Variants in PCDHGA11 observed in about 807,000 individuals in gnomAD.
The protein encoded by PCDHGA11 is protocadherin gamma subfamily A, 11.
PCDHGA11 carries 39 observed loss-of-function variants against 60.4 expected under a neutral mutation model. The ratio of observed to expected loss-of-function variants is 0.65; its 90% confidence interval spans 0.50 to 0.84. The LOEUF is 0.84. Ranked by LOEUF, PCDHGA11 falls within the 40% of genes least tolerant of loss-of-function variation. The pLI is 0.00. For synonymous variants in PCDHGA11, 533 were observed against 510.3 expected (o/e 1.04, Z -0.60); for missense variants, 1,165 against 1,197.7 (o/e 0.97, Z 0.40).
chr5:141,477,245 A>G lies in PCDHGA11; in HGVS notation c.2434-17562A>G. On this transcript the variant is annotated intron_variant, in intron 1 of 3. Transcript: ENST00000398587. The surrounding 1 kb of genome is among the most constrained non-coding windows in gnomAD (Gnocchi z 4.9). ...GACTGTCATCGCTTTGCTCAGTGTG[A>G]CTGACCTGGATGCTGGCGAGAACGG... 3.7e-6 allele frequency: 6 copies of G among 1,614,128 alleles called. No homozygotes were observed. The highest frequency in any genetic ancestry group is 5.1e-6 in the Non-Finnish European group (6 of 1,180,026).
chr5:141,478,271 A>G, intron 1 of PCDHGA11: 1 of 1,614,170 alleles, frequency 6.2e-7, no homozygotes, highest in Non-Finnish European at 8.5e-7. Flanking sequence ...CAAAGTTTAC[A>G]AGTGGAAGCA....
rs1362496624 is a variant in PCDHGA11, at chr5:141,432,370, C to T, written c.2433+8710C>T. On this transcript the variant is annotated intron_variant, in intron 1 of 3. Coordinates refer to ENST00000398587, the MANE Select transcript of PCDHGA11 (RefSeq NM_018914.3). This position sits in a 1 kb window ranked among gnomAD's most constrained non-coding sequence, Gnocchi z 6.0. ...AAGTGAAAGTGATGGCGCGGGACAA[C>T]GGGCACCCGCCCCTCAGCAGCAACG... The T allele has an allele frequency of 6.2e-7, 1 of 1,614,240 alleles. No individual in the cohort carries two copies. Among genetic ancestry groups the T allele is most frequent in the Non-Finnish European group, 8.5e-7 (1 of 1,180,048 alleles).
At chr5:141,448,808 G>C (rs2098608218) in intron 1 of PCDHGA11, among the ~76,000 whole-genome samples, 2 of 152,080 alleles carry the variant, frequency 1.3e-5, no homozygotes, top group Admixed American at 1.3e-4. Flanking sequence ...AGCCAGGCGT[G>C]ATGGCGGGCG....
chr5:141,494,782 C>T, intron 1 of PCDHGA11, 25 bp from the exon 2 acceptor site: 1 of 1,614,110 alleles, frequency 6.2e-7, no homozygotes. Context: ...GGTACTCAGC[C>T]CCTTTCCCTC....
Position 141,423,381 on chromosome 5 carries a change from G to T in PCDHGA11, c.2154G>T (p.Trp718Cys), listed in dbSNP as rs2154550114. Residue 718 changes from tryptophan (W) to cysteine (C), a missense_variant, in exon 1 of 4, where the codon TGG becomes TGT. Transcript: ENST00000398587. ...FVIVLLALRL[W>C]RWHKSRLLQA... is the part of the protein sequence containing the mutation. ...TCGTGCTGCTGGCACTCAGGCTGTG[G>T]CGCTGGCATAAGTCACGCCTGCTGC... 6.2e-7 allele frequency: 1 copy of T among 1,614,204 alleles called. No homozygotes were observed. The highest frequency in any genetic ancestry group is 2.2e-5 in the East Asian group (1 of 44,888).
rs138408376 is a variant in PCDHGA11 at position 141,421,859 on chromosome 5, T to C, written c.632T>C (p.Leu211Pro). The stretch of plus-strand genomic sequence containing the variant: ...CGAGAGAAAGAGGCTGCTCACCTGC[T>C]CCTCCTCACAGCTTTAGATGGAGGC... ...LDREKEAAHL[L>P]LLTALDGGDP... Residue 211 changes from leucine to proline, a missense_variant, in exon 1 of 4, where the codon CTC becomes CCC. By Grantham distance (98) the Leu-to-Pro change is moderately conservative. Coordinates refer to ENST00000398587, the MANE Select transcript of PCDHGA11 (RefSeq NM_018914.3). The C allele has an allele frequency of 1.7e-3, 2,741 of 1,613,710 alleles. 8 individuals carry two copies. Among genetic ancestry groups the C allele is most frequent in the Middle Eastern group, 8.1e-3 (49 of 6,062 alleles).
Position 141,477,383 on chromosome 5 carries a change from T to A in PCDHGA11, c.2434-17424T>A. 6.2e-7 allele frequency: 1 copy of A among 1,614,102 alleles called. No homozygotes were observed. Among genetic ancestry groups the A allele is most frequent in the Non-Finnish European group, 8.5e-7 (1 of 1,180,006 alleles). On this transcript the variant is annotated intron_variant, in intron 1 of 3. Transcript: ENST00000398587. This position sits in a 1 kb window ranked among gnomAD's most constrained non-coding sequence, Gnocchi z 4.9. Reference sequence around the variant, plus strand: ...CCTGGATCGGGAGACTGTGCCAGAATACAACCTCAGCATCACCGCCCGAGA... The same window carrying A: ...CCTGGATCGGGAGACTGTGCCAGAAAACAACCTCAGCATCACCGCCCGAGA...
chr5:141,438,386 T>C (rs757664430), intron 1 of PCDHGA11, among the ~76,000 whole-genome samples: 1 of 151,778 alleles, frequency 6.6e-6, no homozygotes, highest in Admixed American at 6.6e-5. Flanking sequence ...AATTTCTTAG[T>C]TCATCATTAA....
chr5:141,509,601 G>A (rs2099877534), intron 3 of PCDHGA11, among the ~76,000 whole-genome samples: 1 of 152,144 alleles, frequency 6.6e-6, no homozygotes, highest in Non-Finnish European at 1.5e-5. Flanking sequence ...ATTCCGAGAG[G>A]CTGCATTCTA....
rs771884610 is a variant in PCDHGA11, at chr5:141,491,436, G to T, written c.2434-3371G>T. 1 of 1,614,070 alleles carries T rather than the reference G, an allele frequency of 6.2e-7. No individual in the cohort carries two copies. ...ACGGGGGTGGAGGGCAGTGCTGCAGGCGCCAGGACTCACCCTCCCCGGACT... is the reference window on the plus strand; with the variant it reads ...ACGGGGGTGGAGGGCAGTGCTGCAGTCGCCAGGACTCACCCTCCCCGGACT... On this transcript the variant is annotated intron_variant, in intron 1 of 3. Coordinates refer to ENST00000398587, the MANE Select transcript of PCDHGA11 (RefSeq NM_018914.3). The surrounding 1 kb of genome is among the most constrained non-coding windows in gnomAD (Gnocchi z 6.9).
At chr5:141,470,078 G>C (rs542998375) in intron 1 of PCDHGA11, among the ~76,000 whole-genome samples, 21 of 152,182 alleles carry the variant, frequency 1.4e-4, no homozygotes, top group Non-Finnish European at 2.9e-4. Context: ...GTAGTGATCT[G>C]AGATCATGCC....
chr5:141,486,843 A>G lies in PCDHGA11; in HGVS notation c.2434-7964A>G, dbSNP rs1455684942. On this transcript the variant is annotated intron_variant, in intron 1 of 3. Coordinates refer to ENST00000398587, the MANE Select transcript of PCDHGA11 (RefSeq NM_018914.3). The surrounding 1 kb of genome is among the most constrained non-coding windows in gnomAD (Gnocchi z 5.0). ...GTAACAGTTCGTCTATTTGTGCTGG[A>G]CCTCAATGACAATGCTCCAGCTGTG... 6.2e-7 allele frequency: 1 copy of G among 1,614,214 alleles called. No homozygotes were observed. Among genetic ancestry groups the G allele is most frequent in the Admixed American group, 1.7e-5 (1 of 60,034 alleles).
intron 1 of PCDHGA11, among the ~76,000 whole-genome samples, chr5:141,435,227 G>T (rs1461159947): frequency 1.3e-5 from 2 of 152,030 alleles, no homozygotes; most frequent in African/African-American, 4.8e-5. Context: ...TTCTTTCAAA[G>T]TTCAGTAATT....
At position 141,486,891 on chromosome 5, in the gene PCDHGA11, G is replaced by C. The variant is rs201201426; in HGVS notation, c.2434-7916G>C. On this transcript the variant is annotated intron_variant, in intron 1 of 3. Transcript: ENST00000398587. This position sits in a 1 kb window ranked among gnomAD's most constrained non-coding sequence, Gnocchi z 5.0. ...GTGCTCCGTCCTCGGGCCCGGCCTGGTTCCTTATGTCCCCAAGCACTGCCT... is the reference window on the plus strand; with the variant it reads ...GTGCTCCGTCCTCGGGCCCGGCCTGCTTCCTTATGTCCCCAAGCACTGCCT... 14 of 1,614,118 alleles carry C rather than the reference G, an allele frequency of 8.7e-6. No homozygotes were observed. The highest frequency in any genetic ancestry group is 3.3e-5 in the Admixed American group (2 of 60,008).
intron 1 of PCDHGA11, among the ~76,000 whole-genome samples, chr5:141,494,496 T>A (rs147870810): frequency 2.9e-3 from 442 of 152,264 alleles, no homozygotes; most frequent in Non-Finnish European, 4.9e-3. Flanking sequence ...ATGCCTTCAG[T>A]CCTTGAATTT....
intron 1 of PCDHGA11, among the ~76,000 whole-genome samples, chr5:141,436,469 G>A (rs376024456): frequency 6.6e-6 from 1 of 152,304 alleles, no homozygotes; most frequent in East Asian, 1.9e-4. Flanking sequence ...ATTTTCAGAT[G>A]TATCATAGAA....
At chr5:141,459,885 C>A (rs1333668105) in intron 1 of PCDHGA11, among the ~76,000 whole-genome samples, 1 of 152,106 alleles carries the variant, frequency 6.6e-6, no homozygotes, top group East Asian at 1.9e-4. Flanking sequence ...CTGAGCTGAA[C>A]GCCTTCTTAA....
chr5:141,499,677 T>C (rs2099793326), intron 2 of PCDHGA11, among the ~76,000 whole-genome samples: 1 of 151,690 alleles, frequency 6.6e-6, no homozygotes, highest in African/African-American at 2.4e-5. Flanking sequence ...CTCCACCATC[T>C]TTAACAGATG....
At chr5:141,479,241 G>A (rs2099490987) in intron 1 of PCDHGA11, 1 of 152,174 alleles carries the variant, frequency 6.6e-6, no homozygotes, top group Non-Finnish European at 1.5e-5. Context: ...CAAACCCAAA[G>A]ATAACCATTT....
Sources: gnomAD v4.1 joint callset for allele counts (sites outside exome capture counted in the v4.1 genomes callset) on GRCh38, gnomAD v4.1.1 for gene constraint, Gnocchi (gnomAD v3.1) non-coding constraint, MANE v1.5 for transcripts, NCBI Gene and HGNC (gene_info 2026-07-23, HGNC 2026-07-21) for gene names.